CNBD1: variants seen among roughly 807,000 people sequenced by gnomAD.
CNBD1 encodes cyclic nucleotide binding domain containing 1, also known as cyclic nucleotide-binding domain-containing protein 1.
Under a neutral mutation model 54.4 loss-of-function variants are expected in CNBD1, and 71 were observed. The ratio of observed to expected loss-of-function variants is 1.30; its 90% CI spans 1.08 to 1.59. The LOEUF (loss-of-function observed/expected upper bound fraction) is 1.59. CNBD1 is among the 40% of genes most tolerant of loss of function. The probability of loss-of-function intolerance (pLI) is 0.00; values close to 1 mark genes in which losing one functional copy is unlikely to be tolerated. For missense variants in CNBD1, 659 were observed against 518.0 expected, an observed-to-expected ratio of 1.27 and a Z score of -2.64; for synonymous variants, 182 against 170.7, an observed-to-expected ratio of 1.07 and a Z score of -0.51.
At chr8:87,201,032 TA>T (rs1008279626) in intron 4 of CNBD1, among the ~76,000 whole-genome samples, 50 of 152,052 alleles carry the variant, frequency 3.3e-4, no homozygotes, top group African/African-American at 1.1e-3. Context: ...CAGAAACATA[TA>T]AAAAACATTC....
chr8:86,996,113 C>T (rs1362939642), intron 4 of CNBD1, among the ~76,000 whole-genome samples: 2 of 152,098 alleles, frequency 1.3e-5, no homozygotes, highest in Non-Finnish European at 2.9e-5. Flanking sequence ...AAAGGATCAG[C>T]TTCTCCTGTT....
intron 10 of CNBD1, among the ~76,000 whole-genome samples, chr8:87,362,256 T>G (rs77308253): frequency 0.019 from 2,847 of 152,128 alleles, 90 homozygotes; most frequent in African/African-American, 0.062. Context: ...AAGGGCACAG[T>G]CTCCCTCTTT....
chr8:87,132,718 C>T (rs968234018), intron 4 of CNBD1, among the ~76,000 whole-genome samples: 24 of 144,772 alleles, frequency 1.7e-4, no homozygotes, highest in Admixed American at 1.0e-3. Flanking sequence ...TATATATTTG[C>T]ATATATATGG....
intron 4 of CNBD1, among the ~76,000 whole-genome samples, chr8:87,116,195 CTTTTTTTTTTTTTT>C (rs71556428): frequency 1.3e-5 from 1 of 74,528 alleles, no homozygotes; most frequent in African/African-American, 5.7e-5. Context: ...ATTCTCATGT[CTTTTTTTTTTTTTT>C]TTTTTTTTTT....
chr8:87,218,238 A>T (rs544097959), intron 5 of CNBD1, among the ~76,000 whole-genome samples: 24 of 152,238 alleles, frequency 1.6e-4, no homozygotes, highest in Non-Finnish European at 3.2e-4. Flanking sequence ...TACTCAAAAA[A>T]TAGTTGATAG....
intron 4 of CNBD1, among the ~76,000 whole-genome samples, chr8:87,006,918 CG>C (rs1809112099): frequency 6.6e-6 from 1 of 152,146 alleles, no homozygotes; most frequent in African/African-American, 2.4e-5. Context: ...TCTTATTGGC[CG>C]GGTGCCGCGG....
intron 4 of CNBD1, among the ~76,000 whole-genome samples, chr8:86,984,950 G>C (rs1808571763): frequency 3.3e-5 from 5 of 152,082 alleles, no homozygotes; most frequent in Admixed American, 3.3e-4. Context: ...ATGAGATTTG[G>C]GAGGGGTCGG....
intron 3 of CNBD1, among the ~76,000 whole-genome samples, chr8:86,912,306 C>A (rs924233865): frequency 1.3e-5 from 2 of 151,896 alleles, no homozygotes; most frequent in Non-Finnish European, 2.9e-5. Flanking sequence ...GGGTGCAGAC[C>A]AAAAATAATG....
At chr8:87,020,210 C>G (rs1809455111) in intron 4 of CNBD1, among the ~76,000 whole-genome samples, 1 of 152,032 alleles carries the variant, frequency 6.6e-6, no homozygotes, top group Non-Finnish European at 1.5e-5. Context: ...CTCAAAAAAT[C>G]TGATCTAGGA....
chr8:87,004,426 A>T (rs926618302), intron 4 of CNBD1, among the ~76,000 whole-genome samples: 1 of 152,192 alleles, frequency 6.6e-6, no homozygotes, highest in Non-Finnish European at 1.5e-5. Context: ...AAAAACGTGT[A>T]ACTTATTTGT....
At chr8:87,320,856 G>A (rs1809510845) in intron 8 of CNBD1, among the ~76,000 whole-genome samples, 1 of 151,986 alleles carries the variant, frequency 6.6e-6, no homozygotes, top group Admixed American at 6.6e-5. Context: ...TCATTGCACA[G>A]CAATTTCCCA....
chr8:86,897,179 C>A (rs1384606370), intron 2 of CNBD1, among the ~76,000 whole-genome samples: 1 of 152,138 alleles, frequency 6.6e-6, no homozygotes, highest in African/African-American at 2.4e-5. Context: ...AATTTTTGAA[C>A]AAGCTGCTCA....
At chr8:86,938,692 T>A (rs183046265) in intron 3 of CNBD1, among the ~76,000 whole-genome samples, 14 of 152,286 alleles carry the variant, frequency 9.2e-5, no homozygotes, top group Admixed American at 7.8e-4. Flanking sequence ...ACTGGGTCCC[T>A]CTTGTGATAC....
intron 8 of CNBD1, among the ~76,000 whole-genome samples, chr8:87,311,024 G>T (rs1004731514): frequency 6.6e-6 from 1 of 151,986 alleles, no homozygotes; most frequent in African/African-American, 2.4e-5. Flanking sequence ...AAACAGTATT[G>T]TGGACATTGG....
chr8:86,920,890 T>TC (rs369667199), intron 3 of CNBD1, among the ~76,000 whole-genome samples: 7 of 152,016 alleles, frequency 4.6e-5, no homozygotes, highest in Admixed American at 6.6e-5. Flanking sequence ...CATTTTTTTT[T>TC]CCCAAACACA....
chr8:87,041,079 G>T (rs957279633), intron 4 of CNBD1, among the ~76,000 whole-genome samples: 3 of 152,040 alleles, frequency 2.0e-5, no homozygotes, highest in African/African-American at 7.2e-5. Flanking sequence ...AGCAAAAACT[G>T]CAATTACTTT....
intron 4 of CNBD1, among the ~76,000 whole-genome samples, chr8:87,072,020 A>T (rs922599067): frequency 6.6e-6 from 1 of 152,116 alleles, no homozygotes; most frequent in Non-Finnish European, 1.5e-5. Flanking sequence ...TATATTTAGG[A>T]CACTTAGTTC....
intron 10 of CNBD1, among the ~76,000 whole-genome samples, chr8:87,359,750 G>T (rs1373200698): frequency 2.0e-5 from 3 of 152,008 alleles, no homozygotes; most frequent in African/African-American, 7.2e-5. Flanking sequence ...AAATGAAAAT[G>T]CTGTGCTGGA....
intron 2 of CNBD1, among the ~76,000 whole-genome samples, chr8:87,392,901 C>G (rs4961032): frequency 0.28 from 42,668 of 151,708 alleles, 6,710 homozygotes; most frequent in Middle Eastern, 0.41. Flanking sequence ...GATGGGAAGT[C>G]TTATTCTAGA....
Sources: allele counts gnomAD v4.1 joint callset (sites outside exome capture counted in the v4.1 genomes callset), GRCh38; gene constraint gnomAD v4.1.1; transcripts MANE v1.5; gene names NCBI Gene and HGNC (gene_info 2026-07-23, HGNC 2026-07-21).